Variants in IFT122 observed in about 807,000 individuals in gnomAD.
IFT122 encodes the protein intraflagellar transport protein 122 homolog.
A neutral mutation model predicts 161.6 loss-of-function variants in IFT122; 118 were observed. The observed-to-expected ratio is 0.73, with a 90% confidence interval of 0.63 to 0.85. The LOEUF is 0.85. IFT122 is among the 40% of genes least tolerant of loss of function. IFT122 has a pLI of 0.00. For synonymous variants in IFT122, 550 were observed against 602.4 expected (o/e 0.91, Z 1.27); for missense variants, 1,381 against 1,579.6 (o/e 0.87, Z 2.13).
chr3:129,440,702 A>G (rs2072908770), intron 1 of IFT122, among the ~76,000 whole-genome samples: 1 of 152,244 alleles, frequency 6.6e-6, no homozygotes, highest in African/African-American at 2.4e-5. Flanking sequence ...TTCTTGCCAC[A>G]TCCACATAGT....
At chr3:129,457,935 T>G (rs1171507788) in intron 3 of IFT122, 1 of 158,336 alleles carries the variant, frequency 6.3e-6, no homozygotes, top group African/African-American at 2.4e-5. Flanking sequence ...AGACGGGGTT[T>G]CACCGTGTTG....
intron 23 of IFT122, among the ~76,000 whole-genome samples, chr3:129,509,908 C>T (rs78775900): frequency 0.026 from 4,003 of 152,272 alleles, 159 homozygotes; most frequent in African/African-American, 0.091. Flanking sequence ...GGGATAACAG[C>T]ACTATGTACT....
intron 21 of IFT122, among the ~76,000 whole-genome samples, chr3:129,505,975 A>T (rs1443763818): frequency 1.3e-5 from 2 of 152,138 alleles, no homozygotes; most frequent in Non-Finnish European, 2.9e-5. Context: ...TGTGGTGAGG[A>T]TCCAGTGAGG....
intron 9 of IFT122, among the ~76,000 whole-genome samples, chr3:129,470,266 A>AT (rs1338858179): frequency 1.4e-5 from 2 of 141,166 alleles, no homozygotes; most frequent in Non-Finnish European, 3.1e-5. Flanking sequence ...TTATTTATTT[A>AT]TTTTTAATTT....
intron 3 of IFT122, among the ~76,000 whole-genome samples, chr3:129,455,638 T>C (rs924588737): frequency 2.6e-5 from 4 of 152,150 alleles, no homozygotes; most frequent in African/African-American, 7.2e-5. Context: ...GGGGTGCCAC[T>C]GCCTGTGCAA....
At chr3:129,517,033 G>T in intron 26 of IFT122, among the ~76,000 whole-genome samples, 1 of 88,520 alleles carries the variant, frequency 1.1e-5, no homozygotes, top group African/African-American at 4.5e-5. Flanking sequence ...CACACAGATT[G>T]CTCCTGCACA....
chr3:129,514,641 A>AAGAG, intron 25 of IFT122, 87 bp downstream of exon 25: 1 of 1,479,210 alleles, frequency 6.8e-7, no homozygotes, highest in Non-Finnish European at 9.4e-7. Context: ...GTTCCGTTTG[A>AAGAG]AGAGAGACAG....
chr3:129,511,268 T>TA (rs2082791065), intron 23 of IFT122, among the ~76,000 whole-genome samples: 1 of 152,242 alleles, frequency 6.6e-6, no homozygotes, highest in South Asian at 2.1e-4. Context: ...ATCTTGTTCT[T>TA]ACCCTGGAAA....
intron 1 of IFT122, among the ~76,000 whole-genome samples, chr3:129,445,430 C>G (rs2073877276): frequency 1.3e-5 from 2 of 152,232 alleles, no homozygotes; most frequent in South Asian, 4.1e-4. Context: ...TTTAACTTCT[C>G]TGTACCATAG....
chr3:129,500,685 C>G (rs2108526101), intron 19 of IFT122, among the ~76,000 whole-genome samples: 1 of 152,174 alleles, frequency 6.6e-6, no homozygotes, highest in South Asian at 2.1e-4. Context: ...GATATGCAGG[C>G]AGGAAGTACA....
At chr3:129,516,193 CCTGCACACACACGGAGACTGCCT>C (rs1409780072) in intron 26 of IFT122, among the ~76,000 whole-genome samples, 37 of 140,726 alleles carry the variant, frequency 2.6e-4, no homozygotes, top group Non-Finnish European at 4.6e-4. Flanking sequence ...AGAAACCGCC[CCTGCACACACACGGAGACTGCCT>C]CTGCACACAC....
chr3:129,464,492 C>T (rs928434606), intron 6 of IFT122, 143 bp from the exon 7 acceptor site: 3 of 952,426 alleles, frequency 3.1e-6, no homozygotes, highest in Admixed American at 1.8e-5. Context: ...GACTTTATGT[C>T]AGGACCGGCA....
At chr3:129,505,799 G>GA (rs1195507606) in intron 21 of IFT122, among the ~76,000 whole-genome samples, 2 of 152,214 alleles carry the variant, frequency 1.3e-5, no homozygotes, top group African/African-American at 4.8e-5. Context: ...TGTGATAACT[G>GA]AGGCAGATCC....
At chr3:129,461,050 AAGG>A (rs1183008345) in intron 4 of IFT122, 175 bp from the exon 5 acceptor site, 5 of 1,003,842 alleles carry the variant, frequency 5.0e-6, no homozygotes, top group Non-Finnish European at 7.9e-6. Context: ...GGGTGAGGAG[AAGG>A]AGAATTAATT....
rs2301570 is a variant in IFT122, at chr3:129,476,820, C to T, written c.1147+19C>T. On this transcript the variant is annotated intron_variant, in intron 11 of 29. Transcript: ENST00000348417. ...CAGAAAGGTAAGAGGCAGGTCCAGA[C>T]CTTGGGAAGAGGGACAGGTGGAAGC... 108,246 of 1,613,730 alleles carry T rather than the reference C, an allele frequency of 0.067. 5,172 individuals are homozygous for T. The highest frequency in any genetic ancestry group is 0.23 in the African/African-American group (16,942 of 74,896).
chr3:129,492,135 C>T lies in IFT122; in HGVS notation c.1993-6C>T, dbSNP rs759301393. The T allele has an allele frequency of 2.9e-5, 46 of 1,609,440 alleles. No homozygotes were observed. Among genetic ancestry groups the T allele is most frequent in the Non-Finnish European group, 8.5e-7 (1 of 1,176,250 alleles). ...GCTTATTTTATTCTTTATTTCTTCG[C>T]CACAGGCCTTCATCAGAGTACAAGA... On this transcript the variant is annotated splice_polypyrimidine_tract_variant and splice_region_variant and intron_variant, in intron 16 of 29. Transcript: ENST00000348417.
chr3:129,442,199 T>C (rs1266550655), intron 1 of IFT122, among the ~76,000 whole-genome samples: 1 of 152,220 alleles, frequency 6.6e-6, no homozygotes, highest in Non-Finnish European at 1.5e-5. Flanking sequence ...TTTGTTCATT[T>C]CTCTCTTGTG....
chr3:129,485,352 C>T (rs1337350686), intron 15 of IFT122, among the ~76,000 whole-genome samples: 4 of 152,184 alleles, frequency 2.6e-5, no homozygotes, highest in African/African-American at 7.2e-5. Flanking sequence ...GTTGATGATA[C>T]CCTCGAAACT....
At chr3:129,464,896 T>A in intron 7 of IFT122, 115 bp downstream of exon 7, 1 of 1,173,272 alleles carries the variant, frequency 8.5e-7, no homozygotes, top group South Asian at 1.3e-5. Flanking sequence ...ATGGTCTGTT[T>A]TAGAACCTGT....
Sources: allele counts gnomAD v4.1 joint callset (sites outside exome capture counted in the v4.1 genomes callset), GRCh38; gene constraint gnomAD v4.1.1; transcripts MANE v1.5; gene names NCBI Gene and HGNC (gene_info 2026-07-23, HGNC 2026-07-21).